IL1RAPL2: variants seen among roughly 807,000 people sequenced by gnomAD.
IL1RAPL2 encodes the protein interleukin 1 receptor accessory protein like 2.
IL1RAPL2 carries 3 observed loss-of-function variants against 44.1 expected under a neutral mutation model. The observed-to-expected ratio is 0.07, with a 90% CI of 0.03 to 0.18. The LOEUF is 0.18. IL1RAPL2 is among the 10% of genes least tolerant of loss of function. The pLI, the probability that IL1RAPL2 is intolerant of heterozygous loss-of-function variation, is 1.00. For missense variants in IL1RAPL2, 391 were observed against 496.4 expected (o/e 0.79, Z 2.02); for synonymous variants, 181 against 178.8 (o/e 1.01, Z -0.10).
intron 2 of IL1RAPL2, among the ~76,000 whole-genome samples, chrX:105,066,195 T>G (rs1246857755): frequency 9.0e-6 from 1 of 111,293 alleles, no homozygotes; most frequent in Non-Finnish European, 1.9e-5. Context: ...TCCTTGCTTC[T>G]CCCTAATACT....
At chrX:105,034,602 G>A (rs1443262296) in intron 2 of IL1RAPL2, among the ~76,000 whole-genome samples, 1 of 111,800 alleles carries the variant, frequency 8.9e-6, no homozygotes, top group African/African-American at 3.3e-5. Context: ...TCCTCTGGAG[G>A]TTTTGTCTCA....
chrX:105,307,784 T>G (rs1292043222), intron 5 of IL1RAPL2, among the ~76,000 whole-genome samples: 1 of 100,083 alleles, frequency 1.0e-5, no homozygotes, highest in Non-Finnish European at 2.0e-5. Context: ...TTATAATGCT[T>G]TTCTTGATGT....
chrX:104,915,032 G>T (rs1180768751), intron 2 of IL1RAPL2, among the ~76,000 whole-genome samples: 1 of 111,830 alleles, frequency 8.9e-6, no homozygotes, highest in Non-Finnish European at 1.9e-5. Context: ...ACATACATGT[G>T]CATGTGTCTT....
chrX:104,818,701 A>T (rs778183991), intron 2 of IL1RAPL2, among the ~76,000 whole-genome samples: 1 of 111,728 alleles, frequency 9.0e-6, no homozygotes, highest in Non-Finnish European at 1.9e-5. Context: ...AAGCTTGGTT[A>T]TGAAGATGCA....
intron 1 of IL1RAPL2, among the ~76,000 whole-genome samples, chrX:104,576,820 C>T (rs1465394960): frequency 8.0e-5 from 9 of 111,921 alleles, no homozygotes; most frequent in Non-Finnish European, 5.6e-5. Flanking sequence ...AATCTAACCA[C>T]CACTTTCTCT....
rs757804508 is a variant in IL1RAPL2, at chrX:105,759,292, A to C, written c.1363+3945A>C. 3.6e-5 allele frequency among the ~76,000 whole-genome samples: 4 copies of C among 112,205 alleles called. No homozygotes were observed. The East Asian group carries it at 1.1e-3, about 32-fold the overall frequency. ...AAGAAAGTAAGGTGCTGAAAGGTGC[A>C]TATGCAATATTTATTAACAATTATA... On this transcript the variant is annotated intron_variant, in intron 10 of 10. Transcript: ENST00000372582.
intron 5 of IL1RAPL2, among the ~76,000 whole-genome samples, chrX:105,436,292 G>T (rs1319831991): frequency 9.0e-6 from 1 of 110,814 alleles, no homozygotes; most frequent in Non-Finnish European, 1.9e-5. Context: ...TCATGCTGGG[G>T]TGTTATAACT....
chrX:105,519,995 A>T (rs1338878268), intron 6 of IL1RAPL2, among the ~76,000 whole-genome samples: 1 of 111,926 alleles, frequency 8.9e-6, no homozygotes, highest in Non-Finnish European at 1.9e-5. Flanking sequence ...TTATCTAAAA[A>T]CATTAAATGG....
At chrX:105,166,386 A>G (rs1198880545) in intron 2 of IL1RAPL2, among the ~76,000 whole-genome samples, 1 of 111,869 alleles carries the variant, frequency 8.9e-6, no homozygotes, top group Non-Finnish European at 1.9e-5. Context: ...TCCCCCTCCA[A>G]AAGCAATTAA....
rs776825757 is a variant in IL1RAPL2, at chrX:104,665,652, C to A, written c.82+6657C>A. Among the ~76,000 whole-genome samples the A allele has an allele frequency of 3.6e-5, 4 of 111,175 alleles. No homozygotes were observed. In the South Asian group the frequency reaches 1.5e-3, roughly 42 times the overall value. ...CAAACTTGGAATCATACTGTACGTA[C>A]TATTCTCCAACCTGATGTTACTTCA... On this transcript the variant is annotated intron_variant, in intron 2 of 10. Coordinates refer to ENST00000372582, the MANE Select transcript of IL1RAPL2 (RefSeq NM_017416.2).
intron 2 of IL1RAPL2, among the ~76,000 whole-genome samples, chrX:105,038,149 C>T (rs1353305057): frequency 9.0e-6 from 1 of 111,324 alleles, no homozygotes; most frequent in African/African-American, 3.3e-5. Context: ...ATCAGGCCCA[C>T]ACTTCTGGCT....
At chrX:104,701,975 T>C (rs992716748) in intron 2 of IL1RAPL2, among the ~76,000 whole-genome samples, 3 of 111,664 alleles carry the variant, frequency 2.7e-5, no homozygotes, top group Non-Finnish European at 3.8e-5. Context: ...AATATAACAG[T>C]TGGTCTGCAA....
chrX:105,636,807 T>C (rs927959069), intron 6 of IL1RAPL2, among the ~76,000 whole-genome samples: 8 of 111,441 alleles, frequency 7.2e-5, no homozygotes, highest in African/African-American at 2.6e-4. Flanking sequence ...CAGGGAAGGC[T>C]TCCCAAAGGA....
intron 3 of IL1RAPL2, among the ~76,000 whole-genome samples, chrX:105,206,535 G>GAGAT (rs2033765532): frequency 8.9e-6 from 1 of 111,997 alleles, no homozygotes; most frequent in Non-Finnish European, 1.9e-5. Context: ...TACAACAAAT[G>GAGAT]AGATATGGTT....
intron 7 of IL1RAPL2, among the ~76,000 whole-genome samples, chrX:105,739,127 A>G (rs955397093): frequency 9.0e-6 from 1 of 110,688 alleles, no homozygotes; most frequent in African/African-American, 3.3e-5. Context: ...TTACCTCACT[A>G]CTGTCAAAAC....
At chrX:105,612,715 T>G (rs1220026014) in intron 6 of IL1RAPL2, among the ~76,000 whole-genome samples, 1 of 111,583 alleles carries the variant, frequency 9.0e-6, no homozygotes. Context: ...GACATTGGAT[T>G]GAACTCAGTG....
chrX:105,124,876 A>C (rs1324116669), intron 2 of IL1RAPL2, among the ~76,000 whole-genome samples: 1 of 110,716 alleles, frequency 9.0e-6, no homozygotes, highest in African/African-American at 3.3e-5. Context: ...ATTTGAATAA[A>C]ATGTTCCTGG....
intron 5 of IL1RAPL2, among the ~76,000 whole-genome samples, chrX:105,393,543 A>T (rs757791070): frequency 9.0e-6 from 1 of 111,040 alleles, no homozygotes; most frequent in Non-Finnish European, 1.9e-5. Context: ...AAGGTGGTTT[A>T]GTTTTGGGAA....
intron 1 of IL1RAPL2, among the ~76,000 whole-genome samples, chrX:104,605,917 T>G (rs1487859949): frequency 1.8e-5 from 2 of 112,103 alleles, no homozygotes; most frequent in Admixed American, 9.5e-5. Flanking sequence ...CCATTCCTTC[T>G]GAAACTATTC....
Sources: allele counts gnomAD v4.1 joint callset (sites outside exome capture counted in the v4.1 genomes callset), GRCh38; gene constraint gnomAD v4.1.1; transcripts MANE v1.5; gene names NCBI Gene and HGNC (gene_info 2026-07-23, HGNC 2026-07-21).